The following CALN1 variants were observed in gnomAD, a reference collection of about 807,000 sequenced individuals.
CALN1 encodes the protein calneuron 1.
A neutral mutation model predicts 30.6 loss-of-function variants in CALN1; 17 were observed. The observed-to-expected ratio is 0.56, with a 90% CI of 0.38 to 0.83. CALN1 has a LOEUF of 0.83. Ranked by LOEUF, CALN1 falls within the 40% of genes least tolerant of loss-of-function variation. The pLI is 0.00. For synonymous variants in CALN1, 156 were observed against 131.4 expected (o/e 1.19, Z -1.28); for missense variants, 291 against 354.9 (o/e 0.82, Z 1.45).
chr7:71,980,340 C>G (rs1181637120), intron 5 of CALN1, among the ~76,000 whole-genome samples: 1 of 151,440 alleles, frequency 6.6e-6, no homozygotes, highest in Non-Finnish European at 1.5e-5. Context: ...GTGTGCACCA[C>G]CACGTCCAGT....
At chr7:72,366,527 T>C (rs1425062993) in intron 2 of CALN1, among the ~76,000 whole-genome samples, 1 of 107,464 alleles carries the variant, frequency 9.3e-6, no homozygotes, top group Non-Finnish European at 1.8e-5. Context: ...CAAGTAGTTT[T>C]TGGGTGCATG....
At chr7:72,111,041 C>G (rs1807537252) in intron 3 of CALN1, among the ~76,000 whole-genome samples, 1 of 152,282 alleles carries the variant, frequency 6.6e-6, no homozygotes, top group East Asian at 1.9e-4. Flanking sequence ...GAAACGTACT[C>G]CTTCTTTGGC....
At chr7:72,253,883 G>C (rs1435410167) in intron 3 of CALN1, among the ~76,000 whole-genome samples, 1 of 152,202 alleles carries the variant, frequency 6.6e-6, no homozygotes, top group East Asian at 1.9e-4. Flanking sequence ...TGGGACTACA[G>C]GGGTCTGCCA....
intron 3 of CALN1, among the ~76,000 whole-genome samples, chr7:72,216,615 C>A (rs560453546): frequency 6.6e-6 from 1 of 152,132 alleles, no homozygotes; most frequent in South Asian, 2.1e-4. Context: ...GTCCCCTTCA[C>A]CTGCCTTCTC....
At chr7:72,169,788 C>T (rs1788808451) in intron 3 of CALN1, among the ~76,000 whole-genome samples, 1 of 151,756 alleles carries the variant, frequency 6.6e-6, no homozygotes, top group African/African-American at 2.4e-5. Context: ...CTCCTGGGTT[C>T]AAGCAATTCT....
chr7:72,274,942 T>C (rs1041173934), intron 3 of CALN1, among the ~76,000 whole-genome samples: 2 of 152,122 alleles, frequency 1.3e-5, no homozygotes, highest in Admixed American at 1.3e-4. Context: ...CAGAAGGGAA[T>C]TGCAGCTGAA....
chr7:72,501,852 T>C, the CALN1 span, among the ~76,000 whole-genome samples: 1 of 138,308 alleles, frequency 7.2e-6, no homozygotes, highest in Non-Finnish European at 1.5e-5. Flanking sequence ...GAAGTTGCAG[T>C]GAGCTGAGAT....
intron 5 of CALN1, among the ~76,000 whole-genome samples, chr7:71,953,911 G>A (rs1796825676): frequency 6.6e-6 from 1 of 152,252 alleles, no homozygotes; most frequent in Admixed American, 6.5e-5. Context: ...AGGCAGGCAA[G>A]GTGGGGTTGG....
intron 5 of CALN1, among the ~76,000 whole-genome samples, chr7:71,836,202 G>A (rs1412229881): frequency 1.3e-5 from 2 of 152,168 alleles, no homozygotes; most frequent in African/African-American, 4.8e-5. Context: ...TGCGGATCCT[G>A]GAACATCAGG....
At chr7:72,152,642 A>G (rs187061801) in intron 3 of CALN1, among the ~76,000 whole-genome samples, 2 of 152,186 alleles carry the variant, frequency 1.3e-5, no homozygotes, top group Non-Finnish European at 2.9e-5. Context: ...TTCCCGGCCA[A>G]AGCTGGTGCA....
intron 2 of CALN1, among the ~76,000 whole-genome samples, chr7:72,388,936 G>A (rs559717462): frequency 1.4e-4 from 22 of 152,314 alleles, no homozygotes; most frequent in African/African-American, 5.1e-4. Flanking sequence ...TCAGCTCTGT[G>A]TGGCTGCAGA....
intron 4 of CALN1, among the ~76,000 whole-genome samples, chr7:72,038,428 T>C (rs1000785949): frequency 2.2e-4 from 33 of 151,454 alleles, no homozygotes; most frequent in South Asian, 1.7e-3. Context: ...CAGGCTGGAG[T>C]GCAGTGGTGT....
intron 5 of CALN1, among the ~76,000 whole-genome samples, chr7:72,003,278 A>G (rs1200778986): frequency 6.6e-6 from 1 of 152,252 alleles, no homozygotes; most frequent in Non-Finnish European, 1.5e-5. Context: ...CCTTGTCAAG[A>G]CAAGTATAGG....
chr7:71,929,716 G>A (rs1448442781), intron 5 of CALN1, among the ~76,000 whole-genome samples: 3 of 152,172 alleles, frequency 2.0e-5, no homozygotes, highest in Non-Finnish European at 4.4e-5. Context: ...TCTTGTATAT[G>A]GTTTTTGTGG....
intron 5 of CALN1, among the ~76,000 whole-genome samples, chr7:71,915,766 A>G (rs1290104992): frequency 6.6e-6 from 1 of 152,026 alleles, no homozygotes; most frequent in African/African-American, 2.4e-5. Flanking sequence ...AAAAAAACCC[A>G]ATCTGCCCAA....
At position 72,101,217 on chromosome 7, in the gene CALN1, C is replaced by T. The variant is rs557137215; in HGVS notation, c.388+4934G>A. On this transcript the variant is annotated intron_variant, in intron 4 of 6. Transcript: ENST00000395275. The stretch of plus-strand genomic sequence containing the variant: ...CTGACCTCAGATGATCCGCCTGCCT[C>T]GGCCTCCGATAACAGGTGCGATTGA... Among the ~76,000 whole-genome samples, 3 of 152,250 alleles carry T rather than the reference C, an allele frequency of 2.0e-5. No homozygotes were observed. The South Asian group carries it at 6.2e-4, about 32-fold the overall frequency.
chr7:72,243,736 C>T (rs1794988143), intron 3 of CALN1, among the ~76,000 whole-genome samples: 1 of 152,150 alleles, frequency 6.6e-6, no homozygotes, highest in Admixed American at 6.5e-5. Context: ...TGTATGTGGA[C>T]AGCAAAGTGG....
chr7:72,186,885 C>CTTTTTTTTTTTTTTTTTTTTTTT (rs34604151), intron 3 of CALN1, among the ~76,000 whole-genome samples: 1 of 61,296 alleles, frequency 1.6e-5, no homozygotes, highest in South Asian at 8.2e-4. Flanking sequence ...GAGTGCAGAG[C>CTTTTTTTTTTTTTTTTTTTTTTT]TTTTTTTTTT....
At chr7:72,180,144 C>A (rs934364961) in intron 3 of CALN1, among the ~76,000 whole-genome samples, 3 of 152,188 alleles carry the variant, frequency 2.0e-5, no homozygotes, top group African/African-American at 4.8e-5. Flanking sequence ...CAGAAGCCCA[C>A]GGGGTATCAT....
Sources: gnomAD v4.1 joint callset for allele counts (sites outside exome capture counted in the v4.1 genomes callset) on GRCh38, gnomAD v4.1.1 for gene constraint, MANE v1.5 for transcripts, NCBI Gene and HGNC (gene_info 2026-07-23, HGNC 2026-07-21) for gene names.